Variants in RGS5 observed in about 807,000 individuals in gnomAD.
RGS5 encodes the protein regulator of G protein signaling 5.
In RGS5, 20 loss-of-function variants were observed where a neutral mutation model predicts 18.9. That is an observed-to-expected ratio of 1.06 (90% confidence interval 0.74 to 1.54). The LOEUF is 1.54. RGS5 is among the 40% of genes most tolerant of loss of function. The pLI is 0.00. For missense variants in RGS5, 201 were observed against 211.8 expected, an observed-to-expected ratio of 0.95 and a Z score of 0.32; for synonymous variants, 57 against 76.2, an observed-to-expected ratio of 0.75 and a Z score of 1.31.
intron 2 of RGS5, among the ~76,000 whole-genome samples, chr1:163,270,052 A>G (rs918358197): frequency 2.0e-5 from 3 of 152,186 alleles, no homozygotes; most frequent in Non-Finnish European, 2.9e-5. Context: ...GCTAAAGTGC[A>G]GTGGCATGAT....
chr1:163,278,825 C>T (rs1388732344), intron 2 of RGS5, among the ~76,000 whole-genome samples: 1 of 151,840 alleles, frequency 6.6e-6, no homozygotes, highest in Non-Finnish European at 1.5e-5. Flanking sequence ...TGTAAATATA[C>T]ACATAGACTG....
At chr1:163,265,261 T>G (rs1293966162) in intron 2 of RGS5, among the ~76,000 whole-genome samples, 1 of 152,098 alleles carries the variant, frequency 6.6e-6, no homozygotes, top group South Asian at 2.1e-4. Context: ...AAAAGGCCAG[T>G]AGACAAGAAC....
intron 2 of RGS5, among the ~76,000 whole-genome samples, chr1:163,167,062 A>G (rs1038906322): frequency 1.5e-4 from 9 of 59,170 alleles, no homozygotes; most frequent in Non-Finnish European, 2.9e-4. Flanking sequence ...CTTTGAAGTA[A>G]TAAAAAAAGG....
intron 3 of RGS5, chr1:163,161,531 C>T (rs951026983): frequency 5.7e-6 from 1 of 176,372 alleles, no homozygotes; most frequent in Non-Finnish European, 1.2e-5. Flanking sequence ...TGTTAGCGAT[C>T]TTTATGCTGC....
At chr1:163,261,799 G>A (rs1648443654) in intron 2 of RGS5, among the ~76,000 whole-genome samples, 1 of 152,044 alleles carries the variant, frequency 6.6e-6, no homozygotes, top group Admixed American at 6.6e-5. Context: ...TAAAGAAAAT[G>A]GGAACACATG....
intron 2 of RGS5, among the ~76,000 whole-genome samples, chr1:163,278,746 A>C (rs1031130103): frequency 2.0e-5 from 3 of 152,242 alleles, no homozygotes; most frequent in African/African-American, 7.2e-5. Context: ...AATTAAAAGA[A>C]ATAGACTGGC....
intron 1 of RGS5, among the ~76,000 whole-genome samples, chr1:163,313,992 G>C (rs1649942633): frequency 1.3e-5 from 1 of 77,690 alleles, no homozygotes; most frequent in African/African-American, 9.3e-5. Context: ...AAGTAAATAA[G>C]ATATATATGT....
rs1286562356 is a variant in RGS5, at chr1:163,142,529, AGAT to A, written c.*4810_*4812del. On this transcript the variant is annotated 3_prime_UTR_variant, in exon 5 of 5. Coordinates refer to ENST00000313961, the MANE Select transcript of RGS5 (RefSeq NM_003617.4). The stretch of plus-strand genomic sequence containing the variant: ...TCATTCTCCTGGCTGTGTCTTCCGA[AGAT>A]GAGTTGCTAGTTGCAACATTAAAAA... 6.7e-6 allele frequency: 1 copy of A among 149,988 alleles called. No individual in the cohort carries two copies. Among genetic ancestry groups the A allele is most frequent in the Non-Finnish European group, 1.5e-5 (1 of 67,938 alleles). 9.3% of individuals were successfully genotyped at this position (149,988 alleles called of 1,614,324 possible). A position where few individuals can be genotyped will look rare whatever the true frequency, so the allele number is the denominator to read the frequency against.
At chr1:163,254,064 A>G (rs372882004) in intron 2 of RGS5, among the ~76,000 whole-genome samples, 4,351 of 148,482 alleles carry the variant, frequency 0.029, 83 homozygotes, top group Middle Eastern at 0.096. Context: ...TGGACATTTG[A>G]GTTGGTTCCA....
chr1:163,188,025 A>G (rs1019824202), intron 1 of RGS5, among the ~76,000 whole-genome samples: 1 of 152,088 alleles, frequency 6.6e-6, no homozygotes, highest in African/African-American at 2.4e-5. Flanking sequence ...CAGAAGTCGC[A>G]GAAGTCTTCT....
At chr1:163,295,842 G>C (rs1260547268) in intron 2 of RGS5, among the ~76,000 whole-genome samples, 1 of 152,060 alleles carries the variant, frequency 6.6e-6, no homozygotes, top group Non-Finnish European at 1.5e-5. Context: ...TTCAAAACAT[G>C]GTATTTATAA....
intron 1 of RGS5, among the ~76,000 whole-genome samples, chr1:163,192,523 GT>G (rs1306681946): frequency 1.3e-5 from 2 of 152,082 alleles, no homozygotes; most frequent in East Asian, 3.9e-4. Flanking sequence ...ATCAATCTAC[GT>G]TCATCTTTGT....
chr1:163,249,394 C>T (rs1391055751), intron 2 of RGS5, among the ~76,000 whole-genome samples: 1 of 152,180 alleles, frequency 6.6e-6, no homozygotes, highest in Non-Finnish European at 1.5e-5. Flanking sequence ...GAAAGATGAC[C>T]TGTCTTTTAG....
At chr1:163,267,317 GA>G (rs1648595776) in intron 2 of RGS5, 4 of 152,268 alleles carry the variant, frequency 2.6e-5, no homozygotes, top group African/African-American at 9.6e-5. Context: ...CAGGCACCTT[GA>G]ACTTGCACTT....
intron 2 of RGS5, among the ~76,000 whole-genome samples, chr1:163,262,151 C>CTTTTT (rs532698783): frequency 7.4e-5 from 9 of 121,102 alleles, no homozygotes; most frequent in African/African-American, 1.9e-4. Context: ...AGTTTTGAAA[C>CTTTTT]TTTTTTTTTT....
chr1:163,186,578 C>CAAAAAAAA (rs34092786), intron 1 of RGS5, among the ~76,000 whole-genome samples: 20 of 95,790 alleles, frequency 2.1e-4, no homozygotes, highest in African/African-American at 2.9e-4. Context: ...GACTCTGTCT[C>CAAAAAAAA]AAAAAAAAAA....
chr1:163,155,342 ACTTTT>A (rs1657539518), intron 3 of RGS5, among the ~76,000 whole-genome samples: 1 of 152,214 alleles, frequency 6.6e-6, no homozygotes, highest in Non-Finnish European at 1.5e-5. Context: ...TTGCAAAATA[ACTTTT>A]CTGTGCAGCA....
intron 1 of RGS5, among the ~76,000 whole-genome samples, chr1:163,190,294 T>C (rs1659289510): frequency 6.6e-6 from 1 of 152,162 alleles, no homozygotes; most frequent in South Asian, 2.1e-4. Flanking sequence ...ACTAGAGAAT[T>C]TCCATTTGAG....
chr1:163,290,923 C>T (rs1353743015), intron 2 of RGS5, among the ~76,000 whole-genome samples: 1 of 151,726 alleles, frequency 6.6e-6, no homozygotes, highest in African/African-American at 2.4e-5. Context: ...AGAAAAAGGC[C>T]AACATTATTT....
Sources: allele counts gnomAD v4.1 joint callset (sites outside exome capture counted in the v4.1 genomes callset), GRCh38; gene constraint gnomAD v4.1.1; transcripts MANE v1.5; gene names NCBI Gene and HGNC (gene_info 2026-07-23, HGNC 2026-07-21).